The following DDX52 variants were observed in gnomAD, a reference collection of about 807,000 sequenced individuals.
DDX52 encodes the protein probable ATP-dependent RNA helicase DDX52.
DDX52 carries 59 observed loss-of-function variants against 76.1 expected under a neutral mutation model. The observed-to-expected ratio is 0.78, with a 90% CI of 0.63 to 0.96. DDX52 has a LOEUF of 0.96. Ranked by LOEUF, DDX52 falls within the 40% of genes least tolerant of loss-of-function variation. The pLI, the probability that DDX52 is intolerant of heterozygous loss-of-function variation, is 0.00. For missense variants in DDX52, 707 were observed against 703.9 expected (o/e 1.00, Z -0.05); for synonymous variants, 231 against 244.1 (o/e 0.95, Z 0.50).
intron 8 of DDX52, among the ~76,000 whole-genome samples, chr17:37,624,856 T>G (rs554638698): frequency 6.6e-6 from 1 of 152,134 alleles, no homozygotes; most frequent in African/African-American, 2.4e-5. Flanking sequence ...ATTAATACTC[T>G]GTAAGATGTT....
At position 37,642,290 on chromosome 17, in the gene DDX52, C is replaced by T. The variant is rs1239201410; in HGVS notation, c.106G>A (p.Asp36Asn). The T allele has an allele frequency of 6.2e-7, 1 of 1,613,456 alleles. No individual in the cohort carries two copies. Among genetic ancestry groups the T allele is most frequent in the Admixed American group, 1.7e-5 (1 of 59,772 alleles). Reference sequence around the variant, plus strand: ...TGAAGCACCTCCGAAGAATCAAAGTCATATTTCCTTTTTCCTATCTAAAAC... The same window carrying T: ...TGAAGCACCTCCGAAGAATCAAAGTTATATTTCCTTTTTCCTATCTAAAAC... ...ARFQIGKRKY[D>N]FDSSEVLQGL... is the part of the protein sequence containing the mutation. Residue 36 changes from aspartate to asparagine, a missense_variant, in exon 2 of 15, where the codon GAC becomes AAC. Asp to Asn is a conservative substitution (Grantham distance 23). Coordinates refer to ENST00000617633, the MANE Select transcript of DDX52 (RefSeq NM_007010.5).
rs757918632 is a variant in DDX52, at chr17:37,630,059, T to C, written c.718A>G (p.Ile240Val). The C allele has an allele frequency of 3.7e-6, 6 of 1,612,854 alleles. No individual in the cohort carries two copies. Among genetic ancestry groups the C allele is most frequent in the East Asian group, 4.5e-5 (2 of 44,868 alleles). The change falls in exon 5 of 15, where the codon ATA becomes GTA. Residue 240 changes from isoleucine (I) to valine (V), a missense_variant. Ile to Val is a conservative substitution (Grantham distance 29, BLOSUM62 3). Transcript: ENST00000617633. ...CTGGCAAGTTCTCGTGTTGGTGATA[T>C]AATCAGGGCTCTGAAGCCTTTATTT... Reference protein sequence around the residue: ...PANKGFRALIISPTRELASQI... With the variant: ...PANKGFRALIVSPTRELASQI...
chr17:37,633,441 A>G, intron 2 of DDX52, 23 bp from the exon 3 acceptor site: 1 of 1,525,832 alleles, frequency 6.6e-7, no homozygotes, highest in South Asian at 1.3e-5. Flanking sequence ...TTTAAAAAGT[A>G]AAAGATTTTA....
chr17:37,618,244 T>C (rs1361005285), intron 14 of DDX52, 48 bp downstream of exon 14: 1 of 1,457,378 alleles, frequency 6.9e-7, no homozygotes, highest in African/African-American at 1.4e-5. Context: ...ATGCCTACTA[T>C]AACTTTATGA....
At position 37,630,077 on chromosome 17, in the gene DDX52, C is replaced by T. The variant is rs2030601626; in HGVS notation, c.700G>A (p.Gly234Ser). The T allele has an allele frequency of 1.9e-6, 3 of 1,613,956 alleles. No individual in the cohort carries two copies. Among genetic ancestry groups the T allele is most frequent in the Non-Finnish European group, 2.5e-6 (3 of 1,179,962 alleles). ...GGTGATATAATCAGGGCTCTGAAGCCTTTATTTGCGGGTTGTTTCAGCTGC... is the reference window on the plus strand; with the variant it reads ...GGTGATATAATCAGGGCTCTGAAGCTTTTATTTGCGGGTTGTTTCAGCTGC... ...LMQLKQPANK[G>S]FRALIISPTR... Residue 234 changes from glycine to serine, a missense_variant, in exon 5 of 15, where the codon GGC becomes AGC. Physicochemically the swap from Gly to Ser is moderately conservative, Grantham distance 56. Transcript: ENST00000617633.
intron 9 of DDX52, among the ~76,000 whole-genome samples, chr17:37,621,953 C>T (rs2030119980): frequency 6.6e-6 from 1 of 152,098 alleles, no homozygotes; most frequent in South Asian, 2.1e-4. Flanking sequence ...TTGTGTTACA[C>T]AGATATATTG....
chr17:37,628,822 G>T, intron 5 of DDX52, 150 bp from the exon 6 acceptor site: 2 of 616,414 alleles, frequency 3.2e-6, no homozygotes, highest in South Asian at 2.3e-5. Flanking sequence ...TGAAATCTCA[G>T]CATTTTGAAA....
Position 37,610,158 on chromosome 17 carries a change from CTG to C in DDX52, c.*4136_*4137del, listed in dbSNP as rs2064288868. 6.7e-6 allele frequency: 1 copy of C among 149,986 alleles called. No homozygotes were observed. Among genetic ancestry groups the C allele is most frequent in the African/African-American group, 2.5e-5 (1 of 40,430 alleles). The allele number at this position is 149,986 out of a possible 1,614,324, so 9.3% of individuals were successfully genotyped here. A position where few individuals can be genotyped will look rare whatever the true frequency, so the allele number is the denominator to read the frequency against. ...TTTTTTTTTGAGACAGGGTCTTGCT[CTG>C]TTGTCCAGGCTGGAGTGCAGTGGCA... is the stretch of plus-strand genomic sequence containing the variant. On this transcript the variant is annotated 3_prime_UTR_variant, in exon 15 of 15. Coordinates refer to ENST00000617633, the MANE Select transcript of DDX52 (RefSeq NM_007010.5).
At chr17:37,619,184 G>C (rs1005549982) in intron 13 of DDX52, among the ~76,000 whole-genome samples, 2 of 152,104 alleles carry the variant, frequency 1.3e-5, no homozygotes, top group African/African-American at 4.8e-5. Context: ...TTTGAGACCA[G>C]CCTGGCCAAC....
chr17:37,622,098 G>A (rs2030128782), intron 9 of DDX52, among the ~76,000 whole-genome samples: 2 of 151,700 alleles, frequency 1.3e-5, no homozygotes, highest in African/African-American at 4.8e-5. Flanking sequence ...TTAGTCCTTG[G>A]TTCTCAGTTC....
Position 37,620,690 on chromosome 17 carries a change from G to A in DDX52, c.1577+183C>T, listed in dbSNP as rs556570866. ...ATATGTATTTCCAAATTCTAATAAC[G>A]GAAGGGCAAAAACAAGGCCTTTTGA... On this transcript the variant is annotated intron_variant, in intron 12 of 14. Coordinates refer to ENST00000617633, the MANE Select transcript of DDX52 (RefSeq NM_007010.5). 1.2e-4 allele frequency: 60 copies of A among 487,656 alleles called. No homozygotes were observed. The East Asian group carries it at 1.4e-3, about 11-fold the overall frequency. 30.2% of individuals were successfully genotyped at this position (487,656 alleles called of 1,614,324 possible).
At chr17:37,615,108 G>C (rs1377502326) in intron 14 of DDX52, 1 of 152,254 alleles carries the variant, frequency 6.6e-6, no homozygotes, top group Non-Finnish European at 1.5e-5. Flanking sequence ...TAGCTCAATG[G>C]GGAAGTTGGG....
intron 8 of DDX52, among the ~76,000 whole-genome samples, chr17:37,624,730 T>C (rs2030277099): frequency 6.6e-6 from 1 of 152,064 alleles, no homozygotes; most frequent in African/African-American, 2.4e-5. Flanking sequence ...AATTATTGAG[T>C]AAAATAATAA....
intron 2 of DDX52, among the ~76,000 whole-genome samples, chr17:37,638,466 T>C (rs1418810591): frequency 6.6e-6 from 1 of 152,084 alleles, no homozygotes; most frequent in African/African-American, 2.4e-5. Context: ...AGAAACAGAA[T>C]AGAAGAGGTC....
intron 5 of DDX52, among the ~76,000 whole-genome samples, chr17:37,629,005 G>A (rs919200893): frequency 2.0e-5 from 3 of 151,572 alleles, no homozygotes; most frequent in African/African-American, 7.3e-5. Flanking sequence ...ATCACTTGAG[G>A]CCAGGAGTTC....
intron 2 of DDX52, among the ~76,000 whole-genome samples, chr17:37,641,731 G>A (rs1455280490): frequency 6.6e-6 from 1 of 151,238 alleles, no homozygotes; most frequent in Non-Finnish European, 1.5e-5. Context: ...GTGAGACTCT[G>A]TCTCAAAAAA....
At chr17:37,630,713 C>T (rs2030640589) in intron 4 of DDX52, 1 of 150,342 alleles carries the variant, frequency 6.7e-6, no homozygotes, top group Non-Finnish European at 1.5e-5. Context: ...GAGATCTCGG[C>T]TCACTGCAAC....
At chr17:37,642,367 A>T (rs1432494481) in intron 1 of DDX52, 59 bp from the exon 2 acceptor site, 2 of 1,535,440 alleles carry the variant, frequency 1.3e-6, no homozygotes, top group African/African-American at 1.4e-5. Context: ...CTTTCATTCA[A>T]GCAAGACTGT....
rs755489849 is a variant in DDX52, at chr17:37,625,888, T to G, written c.1136+7A>C. 6 of 1,613,806 alleles carry G rather than the reference T, an allele frequency of 3.7e-6. No homozygotes were observed. The Admixed American group carries it at 1.0e-4, about 27-fold the overall frequency. On this transcript the variant is annotated splice_region_variant and intron_variant, in intron 8 of 14. Transcript: ENST00000617633. ...CAGTGTGATAATGTTGAGAAACAAT[T>G]AAATACCTTGCTCCAATGGACACAC...
Sources: gnomAD v4.1 joint callset for allele counts (sites outside exome capture counted in the v4.1 genomes callset) on GRCh38, gnomAD v4.1.1 for gene constraint, MANE v1.5 for transcripts, NCBI Gene and HGNC (gene_info 2026-07-23, HGNC 2026-07-21) for gene names.